The following CADPS variants were observed in gnomAD, a reference collection of about 807,000 sequenced individuals.
CADPS encodes calcium dependent secretion activator, also known as calcium-dependent secretion activator 1.
A neutral mutation model predicts 167.3 loss-of-function variants in CADPS; 57 were observed. The observed-to-expected ratio is 0.34, with a 90% CI of 0.28 to 0.42. CADPS has a LOEUF of 0.42. Ranked by LOEUF, CADPS falls within the 20% of genes least tolerant of loss-of-function variation. The pLI is 1.00. For missense variants in CADPS, 1,414 were observed against 1,738.1 expected, an observed-to-expected ratio of 0.81 and a Z score of 3.32; for synonymous variants, 676 against 635.3, an observed-to-expected ratio of 1.06 and a Z score of -0.96.
intron 1 of CADPS, among the ~76,000 whole-genome samples, chr3:62,832,214 G>A (rs2075214625): frequency 6.6e-6 from 1 of 152,158 alleles, no homozygotes; most frequent in Admixed American, 6.6e-5. Context: ...TAGAATCACT[G>A]GGGCTTGGTA....
intron 13 of CADPS, among the ~76,000 whole-genome samples, chr3:62,520,853 A>G (rs1278171125): frequency 6.6e-6 from 1 of 152,144 alleles, no homozygotes; most frequent in Admixed American, 6.6e-5. Context: ...GTTTGATTTC[A>G]CTTCATTGTT....
chr3:62,523,790 G>A (rs2071342874), intron 13 of CADPS, among the ~76,000 whole-genome samples: 1 of 152,190 alleles, frequency 6.6e-6, no homozygotes, highest in Non-Finnish European at 1.5e-5. Flanking sequence ...GCTGAAGAGG[G>A]AATATACTTT....
intron 6 of CADPS, among the ~76,000 whole-genome samples, chr3:62,604,473 A>G (rs984541932): frequency 6.6e-6 from 1 of 152,234 alleles, no homozygotes; most frequent in African/African-American, 2.4e-5. Flanking sequence ...TTGAAATCCT[A>G]TTCAGCTGTG....
rs901272344 is a variant in CADPS, at chr3:62,420,415, A to G, written c.3778-17230T>C. Among the ~76,000 whole-genome samples, 1 of 152,218 alleles carries G rather than the reference A, an allele frequency of 6.6e-6. No individual in the cohort carries two copies. The highest frequency in any genetic ancestry group is 2.4e-5 in the African/African-American group (1 of 41,450). On this transcript the variant is annotated intron_variant, in intron 28 of 29. Transcript: ENST00000383710. This position sits in a 1 kb window ranked among gnomAD's most constrained non-coding sequence, Gnocchi z 4.1. ...GAGTGGTTTCCAAAAAGCAGTCAAC[A>G]TACAAGGACTGGGTGCAGGGACAAT... is the stretch of plus-strand genomic sequence containing the variant.
At chr3:62,402,481 C>T (rs535917633) in intron 29 of CADPS, among the ~76,000 whole-genome samples, 41 of 152,278 alleles carry the variant, frequency 2.7e-4, no homozygotes, top group East Asian at 2.1e-3. Context: ...TGAGATTTCA[C>T]GCTGAAATAA....
intron 3 of CADPS, among the ~76,000 whole-genome samples, chr3:62,709,964 G>T (rs1244303188): frequency 1.3e-5 from 2 of 151,246 alleles, no homozygotes; most frequent in African/African-American, 4.9e-5. Context: ...TAGAGACAGG[G>T]TTTCACCATG....
At chr3:62,763,455 C>T (rs2152489640) in intron 2 of CADPS, among the ~76,000 whole-genome samples, 1 of 152,296 alleles carries the variant, frequency 6.6e-6, no homozygotes, top group Non-Finnish European at 1.5e-5. Flanking sequence ...GAAGCCAGGC[C>T]TACTCCTGGA....
chr3:62,566,403 G>A (rs945446992), intron 9 of CADPS, among the ~76,000 whole-genome samples: 2 of 125,156 alleles, frequency 1.6e-5, no homozygotes, highest in Non-Finnish European at 3.4e-5. Flanking sequence ...AATTGCCACC[G>A]CTTGGATTGA....
chr3:62,716,864 A>G (rs1256691075), intron 3 of CADPS, among the ~76,000 whole-genome samples: 1 of 152,192 alleles, frequency 6.6e-6, no homozygotes, highest in Non-Finnish European at 1.5e-5. Context: ...CAGTTTTTCT[A>G]CTTTCCTGGT....
intron 12 of CADPS, 90 bp from the exon 13 acceptor site, chr3:62,533,148 T>A: frequency 9.1e-7 from 1 of 1,098,680 alleles, no homozygotes; most frequent in Non-Finnish European, 1.3e-6. Flanking sequence ...AGAAGGGGAC[T>A]GAAAAATAGC....
chr3:62,401,297 A>C lies in CADPS; in HGVS notation c.3883-1712T>G, dbSNP rs1387056851. Among the ~76,000 whole-genome samples, 8 of 152,124 alleles carry C rather than the reference A, an allele frequency of 5.3e-5. No individual in the cohort carries two copies. In the South Asian group the frequency reaches 1.7e-3, roughly 32 times the overall value. On this transcript the variant is annotated intron_variant, in intron 29 of 29. Coordinates refer to ENST00000383710, the MANE Select transcript of CADPS (RefSeq NM_003716.4). ...AATTGTTGCCAGAATATGATGGGGGAAAATAAAGGTAAAAAGCATTTGAGC... is the reference window on the plus strand; with the variant it reads ...AATTGTTGCCAGAATATGATGGGGGCAAATAAAGGTAAAAAGCATTTGAGC...
Position 62,499,287 on chromosome 3 carries a change from T to C in CADPS, c.2600-19A>G, listed in dbSNP as rs1221026224. ...ACATTTTCTGTAGTACAAGAGTTTG[T>C]GTTAAAATTCAGCGAAAGTGGCAGG... On this transcript the variant is annotated intron_variant, in intron 17 of 29. Transcript: ENST00000383710. 4 of 1,557,410 alleles carry C rather than the reference T, an allele frequency of 2.6e-6. No individual in the cohort carries two copies. The highest frequency in any genetic ancestry group is 3.5e-6 in the Non-Finnish European group (4 of 1,128,570).
intron 3 of CADPS, among the ~76,000 whole-genome samples, chr3:62,727,027 A>G (rs2076872471): frequency 6.6e-6 from 1 of 151,896 alleles, no homozygotes; most frequent in Admixed American, 6.6e-5. Flanking sequence ...AGCTGTGCTT[A>G]TTAGTAAAAA....
At chr3:62,742,731 G>A (rs1353523540) in intron 3 of CADPS, among the ~76,000 whole-genome samples, 2 of 152,164 alleles carry the variant, frequency 1.3e-5, no homozygotes, top group Admixed American at 1.3e-4. Context: ...ATTTCATGAT[G>A]AAGACACCAA....
chr3:62,437,107 G>A lies in CADPS; in HGVS notation c.3777+997C>T, dbSNP rs115266569. 7.7e-3 allele frequency among the ~76,000 whole-genome samples: 1,171 copies of A among 151,796 alleles called. 15 individuals are homozygous for A. Among genetic ancestry groups the A allele is most frequent in the African/African-American group, 0.027 (1,115 of 41,386 alleles). Reference sequence around the variant, plus strand: ...ATAGTAGACCAAAACATTAATGTTCGCATTGGCACTAAAAATATGGAAACC... The same window carrying A: ...ATAGTAGACCAAAACATTAATGTTCACATTGGCACTAAAAATATGGAAACC... On this transcript the variant is annotated intron_variant, in intron 28 of 29. Coordinates refer to ENST00000383710, the MANE Select transcript of CADPS (RefSeq NM_003716.4).
At chr3:62,715,423 A>ATT (rs2084322064) in intron 3 of CADPS, among the ~76,000 whole-genome samples, 1 of 149,010 alleles carries the variant, frequency 6.7e-6, no homozygotes, top group South Asian at 2.1e-4. Context: ...ATATATATTT[A>ATT]TATATATTTT....
intron 5 of CADPS, among the ~76,000 whole-genome samples, chr3:62,648,991 T>C (rs2069307865): frequency 6.6e-6 from 1 of 152,212 alleles, no homozygotes; most frequent in Non-Finnish European, 1.5e-5. Context: ...TTGAAAACAC[T>C]AATGTGAGTA....
rs993819892 is a variant in CADPS at position 62,412,576 on chromosome 3, C to A, written c.3778-9391G>T. ...ATTTTTTATTAAGATAAGCAGTTAT[C>A]TATTAATGACCAAATTCCAACTCTG... On this transcript the variant is annotated intron_variant, in intron 28 of 29. Coordinates refer to ENST00000383710, the MANE Select transcript of CADPS (RefSeq NM_003716.4). This position sits in a 1 kb window ranked among gnomAD's most constrained non-coding sequence, Gnocchi z 4.1. 6.6e-6 allele frequency among the ~76,000 whole-genome samples: 1 copy of A among 152,146 alleles called. No individual in the cohort carries two copies. Among genetic ancestry groups the A allele is most frequent in the Non-Finnish European group, 1.5e-5 (1 of 68,040 alleles).
At chr3:62,726,358 G>C (rs1475833857) in intron 3 of CADPS, among the ~76,000 whole-genome samples, 3 of 151,896 alleles carry the variant, frequency 2.0e-5, no homozygotes, top group Admixed American at 2.0e-4. Flanking sequence ...TAATGGATTT[G>C]TACCTCCTTG....
Sources: gnomAD v4.1 joint callset for allele counts (sites outside exome capture counted in the v4.1 genomes callset) on GRCh38, gnomAD v4.1.1 for gene constraint, Gnocchi (gnomAD v3.1) non-coding constraint, MANE v1.5 for transcripts, NCBI Gene and HGNC (gene_info 2026-07-23, HGNC 2026-07-21) for gene names.